Variants in UTP25 observed in about 807,000 individuals in gnomAD.
UTP25 encodes the protein UTP25 small subunit processome component, also known as U3 small nucleolar RNA-associated protein 25 homolog.
UTP25 carries 50 observed loss-of-function variants against 78.9 expected under a neutral mutation model. The observed-to-expected ratio is 0.63, with a 90% confidence interval of 0.50 to 0.80. The LOEUF is 0.80. UTP25 is among the 30% of genes least tolerant of loss of function. UTP25 has a pLI of 0.00. For synonymous variants in UTP25, 329 were observed against 336.5 expected (o/e 0.98, Z 0.24); for missense variants, 846 against 911.3 (o/e 0.93, Z 0.92).
chr1:209,840,281 G>T (rs780249902), intron 7 of UTP25, among the ~76,000 whole-genome samples: 5 of 152,218 alleles, frequency 3.3e-5, no homozygotes, highest in Non-Finnish European at 5.9e-5. Context: ...TGCAGCACGA[G>T]AGCAGAGCTG....
chr1:209,833,163 A>C, intron 3 of UTP25, 22 bp from the exon 4 acceptor site: 3 of 1,596,722 alleles, frequency 1.9e-6, no homozygotes, highest in African/African-American at 1.4e-5. Flanking sequence ...ATAATTTTAT[A>C]AAATGTTTCT....
Position 209,840,866 on chromosome 1 carries a change from T to C in UTP25, c.1296T>C (p.Leu432=). Residue 432 remains leucine (L), a synonymous_variant, in exon 8 of 12, where the codon CTT becomes CTC. Transcript: ENST00000491415. ...DDHFRIGVAI[L]QRSIRLYAPF... ...TGTTTTGTGTAGGAGTGGCAATACT[T>C]CAGAGAAGCATCCGACTCTATGCCC... 2.5e-6 allele frequency: 4 copies of C among 1,612,390 alleles called. No homozygotes were observed. Among genetic ancestry groups the C allele is most frequent in the Non-Finnish European group, 1.7e-6 (2 of 1,179,820 alleles).
chr1:209,828,120 G>C lies in UTP25; in HGVS notation c.57G>C (p.Lys19Asn), dbSNP rs149634752. 2.8e-4 allele frequency: 448 copies of C among 1,614,128 alleles called. 2 individuals are homozygous for C. In the African/African-American group the frequency reaches 5.5e-3, roughly 20 times the overall value. The part of the protein sequence containing the change: ...QSQLLNTLTK[K>N]QKKHLRDFGE... The stretch of plus-strand genomic sequence containing the variant: ...AGCTACTCAACACCCTAACTAAAAA[G>C]CAGAAGAAACATCTTCGAGATTTCG... Residue 19 changes from lysine to asparagine, a missense_variant, in exon 1 of 12, where the codon AAG becomes AAC. Physicochemically the swap from Lys to Asn is moderately conservative, Grantham distance 94 (BLOSUM62 0). Coordinates refer to ENST00000491415, the MANE Select transcript of UTP25 (RefSeq NM_014388.7).
At chr1:209,842,912 T>G in intron 10 of UTP25, 1 of 562,622 alleles carries the variant, frequency 1.8e-6, no homozygotes, top group Non-Finnish European at 3.2e-6. Flanking sequence ...GTAGCAGGGT[T>G]ATTACTATAA....
At chr1:209,848,006 G>A (rs910656025) in intron 11 of UTP25, among the ~76,000 whole-genome samples, 16 of 152,130 alleles carry the variant, frequency 1.1e-4, no homozygotes, top group Admixed American at 1.0e-3. Flanking sequence ...TCACAGTCTG[G>A]ATTTATCTAA....
In UTP25 at chr1:209,857,275, A is replaced by C. The variant is rs889356180; in HGVS notation, c.*5828A>C. 6 of 152,040 alleles carry C rather than the reference A, an allele frequency of 3.9e-5. No homozygotes were observed. Among genetic ancestry groups the C allele is most frequent in the African/African-American group, 1.4e-4 (6 of 41,392 alleles). The allele number at this position is 152,040 out of a possible 1,614,324, so 9.4% of individuals were successfully genotyped here. A position where few individuals can be genotyped will look rare whatever the true frequency, so the allele number is the denominator to read the frequency against. On this transcript the variant is annotated 3_prime_UTR_variant, in exon 12 of 12. Coordinates refer to ENST00000491415, the MANE Select transcript of UTP25 (RefSeq NM_014388.7). ...CCACTTAAGGCTCAACTATTGGAATACATCTACCATGTCTCCTATGAAACT... is the reference window on the plus strand; with the variant it reads ...CCACTTAAGGCTCAACTATTGGAATCCATCTACCATGTCTCCTATGAAACT...
intron 5 of UTP25, 69 bp from the exon 6 acceptor site, chr1:209,836,732 A>C: frequency 6.7e-7 from 1 of 1,491,748 alleles, no homozygotes; most frequent in Non-Finnish European, 9.0e-7. Flanking sequence ...TTCGCTAAAT[A>C]TAGTACTATG....
chr1:209,835,429 C>T (rs777399879), intron 5 of UTP25, among the ~76,000 whole-genome samples: 12 of 152,210 alleles, frequency 7.9e-5, no homozygotes, highest in Admixed American at 5.2e-4. Flanking sequence ...GGAGCTATCA[C>T]ATTTTGACCC....
At chr1:209,850,981 T>C (rs1413206567) in intron 11 of UTP25, among the ~76,000 whole-genome samples, 1 of 152,222 alleles carries the variant, frequency 6.6e-6, no homozygotes, top group African/African-American at 2.4e-5. Context: ...ATTTTATCAT[T>C]TTCTTAAGCC....
intron 11 of UTP25, among the ~76,000 whole-genome samples, chr1:209,845,456 A>G (rs1040559553): frequency 6.6e-6 from 1 of 152,238 alleles, no homozygotes; most frequent in Non-Finnish European, 1.5e-5. Context: ...GTGATTGTCT[A>G]TGGCAACTGT....
Position 209,837,211 on chromosome 1 carries a change from G to C in UTP25, c.1062G>C (p.Lys354Asn), listed in dbSNP as rs140048588. 3.7e-6 allele frequency: 6 copies of C among 1,612,170 alleles called. No individual in the cohort carries two copies. The highest frequency in any genetic ancestry group is 5.1e-6 in the Non-Finnish European group (6 of 1,178,760). ...GAGACCAAGGGTTAACAAGGCCCAA[G>C]GTGAGTCCAGCAGGAAAGCTTTGCT... Reference protein sequence around the residue: ...DFRDQGLTRPKVLIVVPFREA... With the variant: ...DFRDQGLTRPNVLIVVPFREA... The change falls in exon 6 of 12, where the codon AAG becomes AAC. Residue 354 changes from lysine to asparagine, a missense_variant and splice_region_variant. By Grantham distance (94) the Lys-to-Asn change is moderately conservative. Coordinates refer to ENST00000491415, the MANE Select transcript of UTP25 (RefSeq NM_014388.7).
In UTP25 at chr1:209,835,203, G is replaced by A. The variant is rs763403024; in HGVS notation, c.651+40G>A. The A allele has an allele frequency of 4.5e-6, 7 of 1,571,766 alleles. No individual in the cohort carries two copies. The South Asian group carries it at 7.8e-5, about 17-fold the overall frequency. Reference sequence around the variant, plus strand: ...GTCATCCCGGTCACAAATAGAGAAAGCTCTAAATAAAACAGTGGTCTTGGG... The same window carrying A: ...GTCATCCCGGTCACAAATAGAGAAAACTCTAAATAAAACAGTGGTCTTGGG... On this transcript the variant is annotated intron_variant, in intron 5 of 11. Coordinates refer to ENST00000491415, the MANE Select transcript of UTP25 (RefSeq NM_014388.7).
At position 209,833,326 on chromosome 1, in the gene UTP25, G is replaced by A; in HGVS notation, c.530G>A (p.Ser177Asn). 4 of 1,588,832 alleles carry A rather than the reference G, an allele frequency of 2.5e-6. No homozygotes were observed. The highest frequency in any genetic ancestry group is 3.4e-6 in the Non-Finnish European group (4 of 1,170,618). Residue 177 changes from serine to asparagine, a missense_variant, in exon 4 of 12, where the codon AGT (serine) becomes AAT (asparagine). Ser to Asn is a conservative substitution (Grantham distance 46). Transcript: ENST00000491415. ...SLETNFLEEE[S>N]GDNSSLKASQ... ...GAAACCAATTTTCTGGAAGAGGAAA[G>A]TGGAGACAACTCTTCTTTGAAAGCC...
chr1:209,846,332 C>T (rs2078196668), intron 11 of UTP25, among the ~76,000 whole-genome samples: 1 of 152,134 alleles, frequency 6.6e-6, no homozygotes, highest in South Asian at 2.1e-4. Flanking sequence ...ATTGGATGAA[C>T]ATTTGGTCAT....
intron 11 of UTP25, among the ~76,000 whole-genome samples, chr1:209,846,817 G>A: frequency 6.6e-6 from 1 of 152,150 alleles, no homozygotes; most frequent in East Asian, 1.9e-4. Flanking sequence ...GGTTGCATTG[G>A]GACTGAGACA....
chr1:209,830,368 A>G (rs943686187), intron 2 of UTP25, among the ~76,000 whole-genome samples: 5 of 152,224 alleles, frequency 3.3e-5, no homozygotes, highest in Non-Finnish European at 7.4e-5. Flanking sequence ...AGACTAGCCT[A>G]TTAGGCCCTG....
At chr1:209,831,064 C>A in intron 3 of UTP25, 21 bp downstream of exon 3, 1 of 1,613,078 alleles carries the variant, frequency 6.2e-7, no homozygotes, top group Non-Finnish European at 8.5e-7. Flanking sequence ...TTACTATAGG[C>A]TCATCATCTT....
chr1:209,830,951 T>C lies in UTP25; in HGVS notation c.296T>C (p.Ile99Thr). The C allele has an allele frequency of 2.5e-6, 4 of 1,613,836 alleles. No individual in the cohort carries two copies. The highest frequency in any genetic ancestry group is 3.4e-6 in the Non-Finnish European group (4 of 1,179,790). ...GAGGAGGAAGAGGAAGAAGACAGTA[T>C]TGTAGATGATGCAGAAATGAACGAT... ...DEEEEEEEDS[I>T]VDDAEMNDED... The change falls in exon 3 of 12, where the codon ATT becomes ACT. Residue 99 changes from isoleucine (I) to threonine (T), a missense_variant. Physicochemically the swap from Ile to Thr is moderately conservative, Grantham distance 89. Transcript: ENST00000491415.
intron 4 of UTP25, 87 bp downstream of exon 4, chr1:209,833,445 C>A: frequency 1.7e-6 from 2 of 1,183,990 alleles, no homozygotes; most frequent in Non-Finnish European, 2.3e-6. Context: ...ATTATTGGAA[C>A]AAACAGCAAT....
Sources: gnomAD v4.1 joint callset for allele counts (sites outside exome capture counted in the v4.1 genomes callset) on GRCh38, gnomAD v4.1.1 for gene constraint, MANE v1.5 for transcripts, NCBI Gene and HGNC (gene_info 2026-07-23, HGNC 2026-07-21) for gene names.